Variants in ARHGEF28 observed in about 807,000 individuals in gnomAD.
The protein encoded by ARHGEF28 is Rho guanine nucleotide exchange factor 28.
ARHGEF28 carries 152 observed loss-of-function variants against 206.6 expected under a neutral mutation model. The ratio of observed to expected loss-of-function variants is 0.74; its 90% CI spans 0.64 to 0.84. ARHGEF28 has a LOEUF of 0.84. Among genes scored for constraint, ARHGEF28 ranks in the 40% least tolerant of loss-of-function variants. ARHGEF28 has a pLI of 0.00. For missense variants in ARHGEF28, 2,028 were observed against 2,073.2 expected, an observed-to-expected ratio of 0.98 and a Z score of 0.42; for synonymous variants, 763 against 776.4, an observed-to-expected ratio of 0.98 and a Z score of 0.29.
chr5:73,904,296 C>G (rs201690346), intron 32 of ARHGEF28, 36 bp downstream of exon 32: 91 of 1,613,148 alleles, frequency 5.6e-5, no homozygotes, highest in African/African-American at 1.3e-5. Flanking sequence ...GTATCACCAG[C>G]CTTTATTTGT....
chr5:73,664,607 C>T (rs888605849), intron 1 of ARHGEF28, among the ~76,000 whole-genome samples: 2 of 152,170 alleles, frequency 1.3e-5, no homozygotes, highest in African/African-American at 4.8e-5. Context: ...AATGTCAGCT[C>T]TGATTGTTGT....
chr5:73,846,197 GAGAAGT>G (rs1758345307), intron 11 of ARHGEF28, 65 bp from the exon 12 acceptor site: 12 of 1,428,158 alleles, frequency 8.4e-6, no homozygotes, highest in Non-Finnish European at 1.2e-5. Flanking sequence ...TCTGGATTCA[GAGAAGT>G]AGAAACCAAT....
intron 2 of ARHGEF28, among the ~76,000 whole-genome samples, chr5:73,701,782 G>A (rs192174286): frequency 6.6e-5 from 10 of 152,256 alleles, no homozygotes; most frequent in East Asian, 3.9e-4. Context: ...GTTGTTGTGC[G>A]TATCGAGGGC....
intron 9 of ARHGEF28, among the ~76,000 whole-genome samples, chr5:73,830,427 A>T (rs1757220590): frequency 6.6e-6 from 1 of 151,878 alleles, no homozygotes; most frequent in Admixed American, 6.6e-5. Flanking sequence ...GGTGGCGGGC[A>T]CCTGTAGTCC....
intron 35 of ARHGEF28, among the ~76,000 whole-genome samples, chr5:73,919,456 C>T (rs1455436275): frequency 6.6e-6 from 1 of 152,168 alleles, no homozygotes; most frequent in Non-Finnish European, 1.5e-5. Context: ...GAACAAGTTA[C>T]GTAAGTCAAC....
At chr5:73,714,702 C>A (rs1299004712) in intron 2 of ARHGEF28, among the ~76,000 whole-genome samples, 1 of 152,158 alleles carries the variant, frequency 6.6e-6, no homozygotes, top group East Asian at 1.9e-4. Flanking sequence ...ATGCACAAAT[C>A]TTAAGAGTAT....
At chr5:73,872,217 T>C (rs72772567) in intron 21 of ARHGEF28, among the ~76,000 whole-genome samples, 5,554 of 152,284 alleles carry the variant, frequency 0.036, 173 homozygotes, top group Non-Finnish European at 0.052. Context: ...TGGTTTTGAT[T>C]TTCATTTCCC....
At chr5:73,802,175 T>A (rs952883906) in intron 9 of ARHGEF28, among the ~76,000 whole-genome samples, 2 of 152,252 alleles carry the variant, frequency 1.3e-5, no homozygotes, top group African/African-American at 4.8e-5. Flanking sequence ...GAAAAAGTGT[T>A]GAAAGAATTT....
chr5:73,686,542 G>A (rs1364276567), intron 2 of ARHGEF28, among the ~76,000 whole-genome samples: 6 of 146,638 alleles, frequency 4.1e-5, no homozygotes, highest in Non-Finnish European at 8.9e-5. Context: ...TTTTCGAGAC[G>A]GAGTCTGGCT....
intron 1 of ARHGEF28, among the ~76,000 whole-genome samples, chr5:73,651,430 C>G (rs965164703): frequency 3.9e-5 from 6 of 152,142 alleles, no homozygotes; most frequent in African/African-American, 1.4e-4. Flanking sequence ...TGTTTTGAAA[C>G]CAAACATGTT....
chr5:73,674,784 G>GCTTA (rs1188565379), intron 1 of ARHGEF28, among the ~76,000 whole-genome samples: 1 of 152,184 alleles, frequency 6.6e-6, no homozygotes, highest in Non-Finnish European at 1.5e-5. Context: ...AATGAGTCAT[G>GCTTA]CTTATGTAAT....
At chr5:73,895,490 G>C (rs1761911334) in intron 29 of ARHGEF28, among the ~76,000 whole-genome samples, 1 of 152,166 alleles carries the variant, frequency 6.6e-6, no homozygotes, top group African/African-American at 2.4e-5. Context: ...TGTAACCTGA[G>C]GGCAGCGGCT....
intron 6 of ARHGEF28, among the ~76,000 whole-genome samples, chr5:73,778,797 T>C (rs960467032): frequency 6.6e-6 from 1 of 152,206 alleles, no homozygotes; most frequent in African/African-American, 2.4e-5. Flanking sequence ...CTTTACAACT[T>C]TGGATGATAA....
At chr5:73,821,892 T>TA (rs1256878592) in intron 9 of ARHGEF28, among the ~76,000 whole-genome samples, 1 of 152,090 alleles carries the variant, frequency 6.6e-6, no homozygotes, top group Non-Finnish European at 1.5e-5. Flanking sequence ...TTTCCAAACA[T>TA]AAATGTAGGG....
At chr5:73,847,897 G>A (rs1758464053) in intron 12 of ARHGEF28, among the ~76,000 whole-genome samples, 1 of 152,174 alleles carries the variant, frequency 6.6e-6, no homozygotes, top group Non-Finnish European at 1.5e-5. Flanking sequence ...TAATAAGATA[G>A]GAGCCAAAGC....
intron 1 of ARHGEF28, among the ~76,000 whole-genome samples, chr5:73,649,261 T>A (rs1048514355): frequency 6.6e-6 from 1 of 152,076 alleles, no homozygotes; most frequent in African/African-American, 2.4e-5. Context: ...GATATATTTA[T>A]TTGTGGTGGA....
At chr5:73,662,869 G>T (rs1745697981) in intron 1 of ARHGEF28, among the ~76,000 whole-genome samples, 1 of 152,184 alleles carries the variant, frequency 6.6e-6, no homozygotes, top group Non-Finnish European at 1.5e-5. Flanking sequence ...AAGTTTTGGA[G>T]GGAGCTAACC....
At chr5:73,847,410 G>A (rs1445553813) in intron 12 of ARHGEF28, among the ~76,000 whole-genome samples, 1 of 152,202 alleles carries the variant, frequency 6.6e-6, no homozygotes, top group Admixed American at 6.5e-5. Context: ...CACCAGCTTG[G>A]TGATAGACTC....
chr5:73,706,983 C>G (rs1050181538), intron 2 of ARHGEF28, among the ~76,000 whole-genome samples: 1 of 152,178 alleles, frequency 6.6e-6, no homozygotes. Flanking sequence ...AGCCCTGTCC[C>G]TGTACAGCTT....
Sources: gnomAD v4.1 joint callset for allele counts (sites outside exome capture counted in the v4.1 genomes callset) on GRCh38, gnomAD v4.1.1 for gene constraint, MANE v1.5 for transcripts, NCBI Gene and HGNC (gene_info 2026-07-23, HGNC 2026-07-21) for gene names.